Variants in GRIA1 observed in about 807,000 individuals in gnomAD.
GRIA1 encodes glutamate receptor 1.
A neutral mutation model predicts 99.2 loss-of-function variants in GRIA1; 31 were observed. The ratio of observed to expected loss-of-function variants is 0.31; its 90% confidence interval spans 0.23 to 0.42. The LOEUF is 0.42. Ranked by LOEUF, GRIA1 falls within the 10% of genes least tolerant of loss-of-function variation. The pLI is 1.00. For synonymous variants in GRIA1, 438 were observed against 432.4 expected (o/e 1.01, Z -0.16); for missense variants, 782 against 1,157.5 (o/e 0.68, Z 4.71).
At chr5:153,503,846 G>A (rs1260099424) in intron 2 of GRIA1, among the ~76,000 whole-genome samples, 1 of 152,162 alleles carries the variant, frequency 6.6e-6, no homozygotes, top group African/African-American at 2.4e-5. Context: ...TTAACTTCAG[G>A]TATAGCCAAA....
intron 6 of GRIA1, among the ~76,000 whole-genome samples, 156 bp downstream of exon 6, chr5:153,674,817 G>A (rs1237284038): frequency 1.3e-5 from 2 of 152,100 alleles, no homozygotes. Context: ...CAAGGTGCAG[G>A]GGTCAGACAA....
chr5:153,491,213 G>T, intron 1 of GRIA1: 1 of 1,287,438 alleles, frequency 7.8e-7, no homozygotes, highest in South Asian at 2.0e-5. Context: ...CCAGGCAAGA[G>T]CATGTGAAAT....
intron 4 of GRIA1, 61 bp from the exon 5 acceptor site, chr5:153,655,758 T>G: frequency 7.1e-7 from 1 of 1,410,860 alleles, no homozygotes; most frequent in Admixed American, 1.7e-5. Context: ...GTTATTACTG[T>G]TGTTGTCGTG....
intron 8 of GRIA1, among the ~76,000 whole-genome samples, chr5:153,687,309 A>T (rs1484584226): frequency 6.6e-6 from 1 of 152,124 alleles, no homozygotes; most frequent in Non-Finnish European, 1.5e-5. Context: ...TGGCTTCACC[A>T]CTTACTAGTC....
At chr5:153,499,180 A>T (rs1360952453) in intron 2 of GRIA1, among the ~76,000 whole-genome samples, 1 of 152,148 alleles carries the variant, frequency 6.6e-6, no homozygotes, top group East Asian at 1.9e-4. Flanking sequence ...TTGAAAGGTG[A>T]TTATCCCCAT....
chr5:153,626,480 GTGTGTGTA>G (rs752249976), intron 2 of GRIA1, among the ~76,000 whole-genome samples: 1,484 of 143,242 alleles, frequency 0.01, 23 homozygotes, highest in African/African-American at 0.026. Flanking sequence ...GTGTGTGTGT[GTGTGTGTA>G]TGTGTTGTGC....
At chr5:153,636,571 T>C (rs1338215395) in intron 2 of GRIA1, among the ~76,000 whole-genome samples, 1 of 152,190 alleles carries the variant, frequency 6.6e-6, no homozygotes, top group Non-Finnish European at 1.5e-5. Context: ...ATATTTACTA[T>C]TTGGCTTTTT....
At chr5:153,596,060 G>A (rs562196123) in intron 2 of GRIA1, among the ~76,000 whole-genome samples, 13 of 151,096 alleles carry the variant, frequency 8.6e-5, no homozygotes, top group African/African-American at 3.1e-4. Flanking sequence ...CTGTCACTAA[G>A]TAGCAAATTA....
chr5:153,640,725 TA>T (rs1753724393), intron 2 of GRIA1, among the ~76,000 whole-genome samples: 1 of 152,232 alleles, frequency 6.6e-6, no homozygotes, highest in South Asian at 2.1e-4. Context: ...AACACTTGCT[TA>T]AGCTCTGTGA....
chr5:153,779,559 T>A (rs1764497232), intron 13 of GRIA1, among the ~76,000 whole-genome samples: 2 of 152,142 alleles, frequency 1.3e-5, no homozygotes, highest in South Asian at 4.1e-4. Flanking sequence ...GCCCATTTTT[T>A]ATTTATTTAT....
At chr5:153,768,555 A>ATTACTTTT (rs2149614413) in intron 12 of GRIA1, among the ~76,000 whole-genome samples, 1 of 152,290 alleles carries the variant, frequency 6.6e-6, no homozygotes, top group East Asian at 1.9e-4. Context: ...AAGTTTTAAT[A>ATTACTTTT]GCAACTATTT....
chr5:153,603,150 C>T (rs1765140529), intron 2 of GRIA1, among the ~76,000 whole-genome samples: 2 of 151,954 alleles, frequency 1.3e-5, no homozygotes, highest in South Asian at 4.2e-4. Context: ...TCAATTCCCA[C>T]CTATGAGTGA....
intron 2 of GRIA1, among the ~76,000 whole-genome samples, chr5:153,634,825 C>A (rs1289044649): frequency 1.3e-5 from 2 of 152,198 alleles, no homozygotes; most frequent in African/African-American, 4.8e-5. Context: ...GTGCTCACAG[C>A]TCCAGAAATC....
intron 2 of GRIA1, among the ~76,000 whole-genome samples, chr5:153,507,816 A>G (rs778516455): frequency 3.3e-5 from 5 of 152,182 alleles, no homozygotes; most frequent in Non-Finnish European, 7.3e-5. Flanking sequence ...GTCTCTCCAT[A>G]ATGGGTCTCT....
chr5:153,786,306 C>T (rs995325330), intron 13 of GRIA1, among the ~76,000 whole-genome samples: 2 of 152,076 alleles, frequency 1.3e-5, no homozygotes, highest in African/African-American at 2.4e-5. Flanking sequence ...CTCATCATGA[C>T]TACACTCCTC....
intron 11 of GRIA1, among the ~76,000 whole-genome samples, chr5:153,723,328 T>C (rs533392075): frequency 2.0e-5 from 3 of 152,190 alleles, no homozygotes; most frequent in Non-Finnish European, 4.4e-5. Flanking sequence ...AGAAGACGGG[T>C]GATTTCTGCA....
At chr5:153,797,700 A>G (rs1366024424) in intron 14 of GRIA1, among the ~76,000 whole-genome samples, 1 of 152,200 alleles carries the variant, frequency 6.6e-6, no homozygotes, top group African/African-American at 2.4e-5. Context: ...GTTTTGAGTC[A>G]GGATGTTCTG....
At chr5:153,563,721 G>C (rs1317036240) in intron 2 of GRIA1, among the ~76,000 whole-genome samples, 1 of 152,204 alleles carries the variant, frequency 6.6e-6, no homozygotes, top group Non-Finnish European at 1.5e-5. Context: ...TCGTATCAAA[G>C]AGGTCTGTTG....
chr5:153,799,907 C>G (rs987586544), intron 14 of GRIA1, among the ~76,000 whole-genome samples: 2 of 152,100 alleles, frequency 1.3e-5, no homozygotes, highest in East Asian at 1.9e-4. Context: ...AAAATCTCAC[C>G]CTACTTCCTT....
Sources: gnomAD v4.1 joint callset for allele counts (sites outside exome capture counted in the v4.1 genomes callset) on GRCh38, gnomAD v4.1.1 for gene constraint, MANE v1.5 for transcripts, NCBI Gene and HGNC (gene_info 2026-07-23, HGNC 2026-07-21) for gene names.